The following GRM5 variants were observed in gnomAD, a reference collection of about 807,000 sequenced individuals.
GRM5 encodes metabotropic glutamate receptor 5.
A neutral mutation model predicts 83.1 loss-of-function variants in GRM5; 19 were observed. The ratio of observed to expected loss-of-function variants is 0.23; its 90% CI spans 0.16 to 0.34. The LOEUF (loss-of-function observed/expected upper bound fraction) is 0.34, where lower values mean the gene tolerates loss of function less well. Ranked by LOEUF, GRM5 falls within the 10% of genes least tolerant of loss-of-function variation. GRM5 has a pLI of 1.00. For synonymous variants in GRM5, 675 were observed against 633.6 expected, an observed-to-expected ratio of 1.07 and a Z score of -0.98; for missense variants, 1,160 against 1,588.3, an observed-to-expected ratio of 0.73 and a Z score of 4.58.
At chr11:88,591,148 G>C (rs990030821) in intron 6 of GRM5, among the ~76,000 whole-genome samples, 2 of 152,092 alleles carry the variant, frequency 1.3e-5, no homozygotes, top group African/African-American at 4.8e-5. Flanking sequence ...TTGAATAATT[G>C]TGAGCAAAAA....
At chr11:88,622,081 A>T (rs980985586) in intron 4 of GRM5, among the ~76,000 whole-genome samples, 7 of 68,562 alleles carry the variant, frequency 1.0e-4, no homozygotes, top group African/African-American at 3.2e-4. Context: ...ATTCCTTTAA[A>T]ATCACAACAC....
chr11:88,664,702 C>T (rs1354746015), intron 3 of GRM5, among the ~76,000 whole-genome samples: 1 of 152,050 alleles, frequency 6.6e-6, no homozygotes, highest in East Asian at 1.9e-4. Flanking sequence ...CTGCCTCGGC[C>T]TCCCAAAGTG....
intron 3 of GRM5, among the ~76,000 whole-genome samples, chr11:88,754,133 G>A (rs1942346619): frequency 6.6e-6 from 1 of 152,142 alleles, no homozygotes; most frequent in South Asian, 2.1e-4. Context: ...GTCCTTTTCA[G>A]GGACATGGAT....
chr11:88,952,738 G>A, intron 2 of GRM5, among the ~76,000 whole-genome samples: 1 of 151,356 alleles, frequency 6.6e-6, no homozygotes, highest in East Asian at 1.9e-4. Context: ...TCAAACAATG[G>A]GTATCCATTT....
intron 3 of GRM5, among the ~76,000 whole-genome samples, chr11:88,712,737 T>C (rs1244934308): frequency 2.0e-5 from 3 of 152,038 alleles, no homozygotes; most frequent in Non-Finnish European, 4.4e-5. Context: ...TTCCTAAACA[T>C]TGAATAGTTG....
intron 2 of GRM5, among the ~76,000 whole-genome samples, chr11:88,883,051 T>C (rs1944986606): frequency 6.6e-6 from 1 of 152,188 alleles, no homozygotes; most frequent in African/African-American, 2.4e-5. Context: ...TGTGAATCCA[T>C]TAAACCTCTT....
At chr11:88,789,426 G>A (rs1021247683) in intron 3 of GRM5, among the ~76,000 whole-genome samples, 5 of 151,892 alleles carry the variant, frequency 3.3e-5, no homozygotes, top group East Asian at 1.9e-4. Context: ...GAATTATTTC[G>A]GTAAGGCTTA....
chr11:88,850,778 C>T (rs1944376324), intron 2 of GRM5, among the ~76,000 whole-genome samples: 1 of 151,864 alleles, frequency 6.6e-6, no homozygotes, highest in South Asian at 2.1e-4. Context: ...CAGTTTTATC[C>T]TATACAACCA....
intron 3 of GRM5, among the ~76,000 whole-genome samples, chr11:88,730,044 C>G (rs2135405368): frequency 6.6e-6 from 1 of 152,246 alleles, no homozygotes; most frequent in East Asian, 1.9e-4. Context: ...TCTAATTAAA[C>G]TAAAGAGCTT....
At chr11:88,631,861 G>A (rs1938978489) in intron 4 of GRM5, among the ~76,000 whole-genome samples, 1 of 152,122 alleles carries the variant, frequency 6.6e-6, no homozygotes, top group South Asian at 2.1e-4. Flanking sequence ...AAGGGACTTG[G>A]TTATTTGCTA....
At chr11:88,885,119 T>A (rs1226000323) in intron 2 of GRM5, among the ~76,000 whole-genome samples, 1 of 151,938 alleles carries the variant, frequency 6.6e-6, no homozygotes, top group African/African-American at 2.4e-5. Flanking sequence ...TTATATATAT[T>A]ATAAAATGAG....
chr11:88,997,144 G>C (rs1940208166), intron 2 of GRM5, among the ~76,000 whole-genome samples: 1 of 151,898 alleles, frequency 6.6e-6, no homozygotes, highest in Non-Finnish European at 1.5e-5. Flanking sequence ...GGCCAACATG[G>C]AGAAACCCCA....
chr11:88,711,351 C>T (rs1267055342), intron 3 of GRM5, among the ~76,000 whole-genome samples: 1 of 152,102 alleles, frequency 6.6e-6, no homozygotes, highest in Non-Finnish European at 1.5e-5. Flanking sequence ...CTACTGATGC[C>T]ATGATCCACT....
chr11:88,990,153 G>C (rs2135045355), intron 2 of GRM5, among the ~76,000 whole-genome samples: 1 of 144,458 alleles, frequency 6.9e-6, no homozygotes, highest in East Asian at 2.0e-4. Context: ...GAATCAAATA[G>C]ATGCAATAAA....
intron 2 of GRM5, among the ~76,000 whole-genome samples, chr11:88,854,783 AAAATTAAATT>A (rs907276533): frequency 6.6e-6 from 1 of 151,886 alleles, no homozygotes; most frequent in Non-Finnish European, 1.5e-5. Context: ...GATATAAAAT[AAAATTAAATT>A]AAATTAAATT....
intron 2 of GRM5, among the ~76,000 whole-genome samples, chr11:88,866,054 T>G (rs1171573257): frequency 6.6e-6 from 1 of 152,160 alleles, no homozygotes. Flanking sequence ...ATCCCATTAC[T>G]GAGTATATAC....
At chr11:88,871,843 A>T (rs2135562317) in intron 2 of GRM5, among the ~76,000 whole-genome samples, 1 of 151,604 alleles carries the variant, frequency 6.6e-6, no homozygotes, top group South Asian at 2.1e-4. Flanking sequence ...AGACTCTTAA[A>T]TATCTTGTAA....
chr11:88,520,105 T>C (rs902177008), intron 9 of GRM5, among the ~76,000 whole-genome samples: 10 of 152,136 alleles, frequency 6.6e-5, no homozygotes, highest in African/African-American at 2.2e-4. Flanking sequence ...GTGTGTAGCA[T>C]GGGAAGAAAA....
intron 3 of GRM5, among the ~76,000 whole-genome samples, chr11:88,678,036 C>A (rs1940380720): frequency 7.3e-6 from 1 of 136,898 alleles, no homozygotes. Flanking sequence ...AAACGTGATG[C>A]ATTTTTATTC....
Sources: gnomAD v4.1 joint callset for allele counts (sites outside exome capture counted in the v4.1 genomes callset) on GRCh38, gnomAD v4.1.1 for gene constraint, MANE v1.5 for transcripts, NCBI Gene and HGNC (gene_info 2026-07-23, HGNC 2026-07-21) for gene names.